LRFN5: variants seen among roughly 807,000 people sequenced by gnomAD.
LRFN5 encodes leucine-rich repeat and fibronectin type-III domain-containing protein 5.
In LRFN5, 24 loss-of-function variants were observed where a neutral mutation model predicts 45.6. The observed-to-expected ratio is 0.53, with a 90% CI of 0.38 to 0.74. LRFN5 has a LOEUF of 0.74. LRFN5 is among the 30% of genes least tolerant of loss of function. The pLI is 0.00. For synonymous variants in LRFN5, 340 were observed against 313.8 expected, an observed-to-expected ratio of 1.08 and a Z score of -0.88; for missense variants, 776 against 861.5, an observed-to-expected ratio of 0.90 and a Z score of 1.24.
At chr14:41,842,650 A>G (rs1308976613) in intron 2 of LRFN5, among the ~76,000 whole-genome samples, 1 of 152,178 alleles carries the variant, frequency 6.6e-6, no homozygotes, top group African/African-American at 2.4e-5. Flanking sequence ...ACAACACAAA[A>G]CTTTAAAAAA....
intron 2 of LRFN5, among the ~76,000 whole-genome samples, chr14:41,833,211 C>T (rs1037561445): frequency 9.9e-5 from 15 of 152,060 alleles, no homozygotes; most frequent in Non-Finnish European, 1.9e-4. Flanking sequence ...TTTACGAGCC[C>T]ATTGATAAGA....
rs1323698376 is a variant in LRFN5, at chr14:41,674,377, G to A, written c.-197+65815G>A. On this transcript the variant is annotated intron_variant, in intron 1 of 5. Coordinates refer to ENST00000298119, the MANE Select transcript of LRFN5 (RefSeq NM_152447.5). ...GATGGGGCGGCTGGCCGGGCGGGGG[G>A]CTGACCCCCCCACCTCCCTCCCGGA... Among the ~76,000 whole-genome samples, 135 of 140,132 alleles carry A rather than the reference G, an allele frequency of 9.6e-4. 1 individual carries two copies. The highest frequency in any genetic ancestry group is 1.0e-3 in the Non-Finnish European group (67 of 63,846). The allele number at this position is 140,132 out of a possible 152,430, so 91.9% of individuals were successfully genotyped here.
chr14:41,857,673 T>C (rs892874845), intron 2 of LRFN5, among the ~76,000 whole-genome samples: 2 of 152,216 alleles, frequency 1.3e-5, no homozygotes, highest in African/African-American at 4.8e-5. Context: ...ATACACATAC[T>C]CTGGACTTGT....
intron 2 of LRFN5, among the ~76,000 whole-genome samples, chr14:41,818,978 T>C (rs1439075219): frequency 6.6e-6 from 1 of 152,164 alleles, no homozygotes; most frequent in African/African-American, 2.4e-5. Flanking sequence ...AACTTTTAAG[T>C]GAGAATATGT....
At position 41,904,187 on chromosome 14, in the gene LRFN5, TCTC is replaced by T. The variant is rs150172548; in HGVS notation, c.*16_*18del. On this transcript the variant is annotated 3_prime_UTR_variant, in exon 6 of 6. Coordinates refer to ENST00000298119, the MANE Select transcript of LRFN5 (RefSeq NM_152447.5). The stretch of plus-strand genomic sequence containing the variant: ...TGGAGTTAATCTGAAGAGCACCACT[TCTC>T]CTCTCTCTCCTGAAAAAATTTGCCA... The T allele has an allele frequency of 1.3e-3, 2,073 of 1,609,290 alleles. 13 individuals are homozygous for T. In the African/African-American group the frequency reaches 0.022, roughly 17 times the overall value.
intron 1 of LRFN5, among the ~76,000 whole-genome samples, chr14:41,669,468 A>T (rs1211339193): frequency 6.6e-6 from 1 of 152,050 alleles, no homozygotes; most frequent in East Asian, 1.9e-4. Context: ...ATAGAAAATT[A>T]TATCTAACAT....
chr14:41,820,771 G>T (rs535919002), intron 2 of LRFN5, among the ~76,000 whole-genome samples: 4 of 151,846 alleles, frequency 2.6e-5, no homozygotes, highest in African/African-American at 9.6e-5. Flanking sequence ...TTTTTGACTT[G>T]TTTGTATCAT....
intron 2 of LRFN5, among the ~76,000 whole-genome samples, chr14:41,781,582 A>AAG (rs1437422847): frequency 2.8e-4 from 32 of 112,576 alleles, no homozygotes; most frequent in South Asian, 9.9e-4. Flanking sequence ...GAAAGAAAGA[A>AAG]AGAAAGAAAG....
At chr14:41,783,047 G>A (rs892705505) in intron 2 of LRFN5, among the ~76,000 whole-genome samples, 4 of 140,412 alleles carry the variant, frequency 2.8e-5, no homozygotes, top group Non-Finnish European at 6.0e-5. Flanking sequence ...ATCCTTTCTC[G>A]AGATGGTACA....
chr14:41,756,364 C>G (rs1204636025), intron 1 of LRFN5, among the ~76,000 whole-genome samples: 1 of 152,214 alleles, frequency 6.6e-6, no homozygotes, highest in African/African-American at 2.4e-5. Context: ...AGAGGTTTTC[C>G]AACTTGGTTC....
chr14:41,902,062 T>G (rs189551006), intron 5 of LRFN5, among the ~76,000 whole-genome samples: 5 of 152,132 alleles, frequency 3.3e-5, no homozygotes, highest in Admixed American at 2.0e-4. Context: ...GATCAAAATA[T>G]TTCACAGTTC....
At chr14:41,827,498 C>T (rs1436914810) in intron 2 of LRFN5, among the ~76,000 whole-genome samples, 1 of 151,668 alleles carries the variant, frequency 6.6e-6, no homozygotes, top group Non-Finnish European at 1.5e-5. Context: ...AAATATCAAG[C>T]CACATACACT....
intron 1 of LRFN5, among the ~76,000 whole-genome samples, chr14:41,741,316 TTGTA>T (rs1320018153): frequency 6.6e-6 from 1 of 151,656 alleles, no homozygotes; most frequent in East Asian, 1.9e-4. Context: ...TATAAAGCAA[TTGTA>T]GTCAAAACAG....
Position 41,887,923 on chromosome 14 carries a change from T to C in LRFN5, c.1298T>C (p.Leu433Pro). The C allele has an allele frequency of 1.2e-6, 2 of 1,613,896 alleles. No homozygotes were observed. The highest frequency in any genetic ancestry group is 1.7e-6 in the Non-Finnish European group (2 of 1,179,810). Residue 433 changes from leucine to proline, a missense_variant, in exon 3 of 6, where the codon CTT (leucine) becomes CCT (proline). By Grantham distance (98) the Leu-to-Pro change is moderately conservative (BLOSUM62 -3). Around this residue, in one of 2 missense-constraint regions of LRFN5, gnomAD observed 465 missense variants for 456.4 expected, o/e 1.02. Coordinates refer to ENST00000298119, the MANE Select transcript of LRFN5 (RefSeq NM_152447.5). The surrounding 1 kb of genome is among the most constrained non-coding windows in gnomAD (Gnocchi z 4.8). ...GAAGCTACATCATCAACGGCACTAC[T>C]TAAATTTAATTTTCAAAGAAATATC... ...VAEATSSTAL[L>P]KFNFQRNIPG...
chr14:41,674,323 G>A (rs1197677882), intron 1 of LRFN5, among the ~76,000 whole-genome samples: 2 of 135,910 alleles, frequency 1.5e-5, no homozygotes, highest in South Asian at 2.4e-4. Flanking sequence ...CTGGCCGGGC[G>A]GGGGGCCGAC....
chr14:41,831,208 C>T (rs183770913), intron 2 of LRFN5, among the ~76,000 whole-genome samples: 54 of 152,214 alleles, frequency 3.5e-4, no homozygotes, highest in African/African-American at 1.2e-3. Context: ...TTACATTACC[C>T]GTCTTTTAAT....
chr14:41,613,406 C>T (rs1050005374), intron 1 of LRFN5, among the ~76,000 whole-genome samples: 10 of 151,872 alleles, frequency 6.6e-5, no homozygotes, highest in Non-Finnish European at 1.3e-4. Flanking sequence ...CAAACCTGCA[C>T]GTGTACCCCA....
rs548449611 is a variant in LRFN5, at chr14:41,704,157, C to T, written c.-196-62697C>T. On this transcript the variant is annotated intron_variant, in intron 1 of 5. Transcript: ENST00000298119. ...ACCTTTACCAGTGGCTACTGCATTG[C>T]GCTTATTTGAATTTAAATGAATGCT... Among the ~76,000 whole-genome samples the T allele has an allele frequency of 7.9e-5, 12 of 152,048 alleles. No individual in the cohort carries two copies. The East Asian group carries it at 1.4e-3, about 17-fold the overall frequency.
chr14:41,851,823 C>T (rs1401447791), intron 2 of LRFN5, among the ~76,000 whole-genome samples: 1 of 151,728 alleles, frequency 6.6e-6, no homozygotes, highest in Non-Finnish European at 1.5e-5. Flanking sequence ...GGCCTTTGCT[C>T]ATAATTAATA....
Sources: allele counts gnomAD v4.1 joint callset (sites outside exome capture counted in the v4.1 genomes callset), GRCh38; gene constraint gnomAD v4.1.1; regional missense constraint gnomAD v4.1.1; non-coding constraint Gnocchi (gnomAD v3.1); transcripts MANE v1.5; gene names NCBI Gene and HGNC (gene_info 2026-07-23, HGNC 2026-07-21).